THADA: variants seen among roughly 807,000 people sequenced by gnomAD.
The protein encoded by THADA is THADA armadillo repeat containing.
A neutral mutation model predicts 219.8 loss-of-function variants in THADA; 213 were observed. The observed-to-expected ratio is 0.97, with a 90% CI of 0.87 to 1.09. The LOEUF (loss-of-function observed/expected upper bound fraction) is 1.09. Among genes scored for constraint, THADA ranks in the 50% least tolerant of loss-of-function variants. The pLI, the probability that THADA is intolerant of heterozygous loss-of-function variation, is 0.00. For missense variants in THADA, 2,956 were observed against 2,311.3 expected (o/e 1.28, Z -5.72); for synonymous variants, 1,018 against 828.9 (o/e 1.23, Z -3.92).
intron 32 of THADA, 81 bp downstream of exon 32, chr2:43,292,753 C>T: frequency 6.6e-7 from 1 of 1,526,206 alleles, no homozygotes; most frequent in South Asian, 1.3e-5. Context: ...CCCAATCTTG[C>T]CTTCATGATC....
intron 21 of THADA, among the ~76,000 whole-genome samples, chr2:43,539,141 T>G (rs1694977664): frequency 6.6e-6 from 1 of 152,244 alleles, no homozygotes; most frequent in African/African-American, 2.4e-5. Flanking sequence ...TAACTAGGGT[T>G]GCATTCTGCC....
intron 26 of THADA, among the ~76,000 whole-genome samples, chr2:43,439,665 C>T (rs1014548934): frequency 1.3e-5 from 2 of 152,130 alleles, no homozygotes; most frequent in Non-Finnish European, 2.9e-5. Flanking sequence ...TCTCTAATTG[C>T]ACCTAATATC....
chr2:43,461,830 G>T (rs771176651), intron 26 of THADA, among the ~76,000 whole-genome samples: 14 of 152,174 alleles, frequency 9.2e-5, no homozygotes, highest in Non-Finnish European at 2.9e-5. Context: ...GCAATCAAAG[G>T]CCTGAAAATG....
intron 15 of THADA, 77 bp from the exon 16 acceptor site, chr2:43,560,462 T>A: frequency 8.9e-7 from 1 of 1,123,186 alleles, no homozygotes; most frequent in East Asian, 2.8e-5. Context: ...TTGACCAAAT[T>A]TATAGAAAAT....
chr2:43,279,999 T>G, intron 35 of THADA, 103 bp from the exon 36 acceptor site: 2 of 1,132,936 alleles, frequency 1.8e-6, no homozygotes, highest in Non-Finnish European at 2.4e-6. Context: ...TTGAATGAGT[T>G]ACAGCTATCT....
In THADA at chr2:43,592,273, C is replaced by A. The variant is rs775449185; in HGVS notation, c.76+44G>T. The stretch of plus-strand genomic sequence containing the variant: ...CCCAGTCATTAAAATACTCTGCTTG[C>A]AAACTAGAAAAAAATATAATAAGGG... On this transcript the variant is annotated intron_variant, in intron 2 of 37. Transcript: ENST00000405975. 2.1e-6 allele frequency: 3 copies of A among 1,442,864 alleles called. No homozygotes were observed. In the East Asian group the frequency reaches 7.0e-5, roughly 34 times the overall value. 89.4% of individuals were successfully genotyped at this position (1,442,864 alleles called of 1,614,324 possible).
At chr2:43,514,915 A>T (rs1324256144) in intron 22 of THADA, among the ~76,000 whole-genome samples, 2 of 68,602 alleles carry the variant, frequency 2.9e-5, no homozygotes, top group East Asian at 4.0e-4. Flanking sequence ...TATATATTTT[A>T]TGTATAATAT....
At chr2:43,365,861 A>G (rs28470852) in intron 29 of THADA, among the ~76,000 whole-genome samples, 15,310 of 152,114 alleles carry the variant, frequency 0.1, 939 homozygotes, top group African/African-American at 0.15. Context: ...AGAGTTTATA[A>G]TTGCTCAGAT....
chr2:43,485,272 T>C lies in THADA; in HGVS notation c.3798A>G (p.Gly1266=), dbSNP rs746002140. The change falls in exon 26 of 38, where the codon GGA becomes GGG. Residue 1266 remains glycine (G), a synonymous_variant. Transcript: ENST00000405975. ...LFSALITRIF[G]VKRAKDEHSK... ...AATGTTCATCCTTTGCCCTTTTAAC[T>C]CCAAAAATTCTTGTGATCAAGGCAC... 6.2e-7 allele frequency: 1 copy of C among 1,613,188 alleles called. No homozygotes were observed. The highest frequency in any genetic ancestry group is 1.7e-5 in the Admixed American group (1 of 59,970).
chr2:43,258,946 T>G (rs1385018226), intron 36 of THADA, among the ~76,000 whole-genome samples: 1 of 152,212 alleles, frequency 6.6e-6, no homozygotes, highest in Admixed American at 6.5e-5. Context: ...ATGGGTAACT[T>G]GGCCTGTGTG....
Position 43,519,789 on chromosome 2 carries a change from A to C in THADA, c.3374+8090T>G, listed in dbSNP as rs972046203. Among the ~76,000 whole-genome samples, 2 of 152,226 alleles carry C rather than the reference A, an allele frequency of 1.3e-5. 1 individual carries two copies. The highest frequency in any genetic ancestry group is 1.3e-4 in the Admixed American group (2 of 15,284). ...GCGCACATTAGCTGTGCCTGCAGGTAGGCATAAAATTGACAAACCAGGTAT... is the reference window on the plus strand; with the variant it reads ...GCGCACATTAGCTGTGCCTGCAGGTCGGCATAAAATTGACAAACCAGGTAT... On this transcript the variant is annotated intron_variant, in intron 22 of 37. Coordinates refer to ENST00000405975, the MANE Select transcript of THADA (RefSeq NM_022065.5).
At chr2:43,439,679 A>C (rs2104854924) in intron 26 of THADA, among the ~76,000 whole-genome samples, 1 of 152,340 alleles carries the variant, frequency 6.6e-6, no homozygotes, top group East Asian at 1.9e-4. Flanking sequence ...TAATATCTAA[A>C]CTTCATCACA....
chr2:43,314,439 G>T (rs181463733), intron 31 of THADA, among the ~76,000 whole-genome samples: 1 of 152,154 alleles, frequency 6.6e-6, no homozygotes, highest in Non-Finnish European at 1.5e-5. Flanking sequence ...CTTGGTAAAA[G>T]AAAATGTTCA....
intron 26 of THADA, among the ~76,000 whole-genome samples, chr2:43,477,006 G>T (rs186236633): frequency 3.3e-5 from 5 of 152,080 alleles, no homozygotes; most frequent in African/African-American, 7.2e-5. Flanking sequence ...TATGTAGGAC[G>T]CTATTTTACA....
chr2:43,270,488 A>G (rs1671997574), intron 36 of THADA, among the ~76,000 whole-genome samples: 1 of 152,132 alleles, frequency 6.6e-6, no homozygotes, highest in Admixed American at 6.5e-5. Context: ...GTGAGTTTAG[A>G]AGACCTTCAA....
chr2:43,353,092 G>C (rs897518471), intron 29 of THADA, among the ~76,000 whole-genome samples: 1 of 152,146 alleles, frequency 6.6e-6, no homozygotes, highest in Non-Finnish European at 1.5e-5. Flanking sequence ...TTTAAAGGCT[G>C]AATAATATTC....
At chr2:43,394,180 C>T (rs1673744452) in intron 29 of THADA, among the ~76,000 whole-genome samples, 1 of 152,146 alleles carries the variant, frequency 6.6e-6, no homozygotes, top group African/African-American at 2.4e-5. Flanking sequence ...ATAACCTCAC[C>T]TTTTCTAATG....
chr2:43,339,877 T>G (rs1666883163), intron 30 of THADA, among the ~76,000 whole-genome samples: 1 of 152,060 alleles, frequency 6.6e-6, no homozygotes. Flanking sequence ...GAGGACTGCT[T>G]GAGCCCAGGA....
At chr2:43,545,059 T>C (rs1286407350) in intron 20 of THADA, among the ~76,000 whole-genome samples, 3 of 152,228 alleles carry the variant, frequency 2.0e-5, no homozygotes, top group Non-Finnish European at 2.9e-5. Context: ...CATCAATATC[T>C]AATTTATTGA....
Sources: allele counts gnomAD v4.1 joint callset (sites outside exome capture counted in the v4.1 genomes callset), GRCh38; gene constraint gnomAD v4.1.1; transcripts MANE v1.5; gene names NCBI Gene and HGNC (gene_info 2026-07-23, HGNC 2026-07-21).